The following CTTNBP2NL variants were observed in gnomAD, a reference collection of about 807,000 sequenced individuals.
CTTNBP2NL encodes the protein CTTNBP2 N-terminal-like protein.
A neutral mutation model predicts 32.5 loss-of-function variants in CTTNBP2NL; 16 were observed. That is an observed-to-expected ratio of 0.49 (90% CI 0.33 to 0.75). The LOEUF (loss-of-function observed/expected upper bound fraction) is 0.75, where lower values mean the gene tolerates loss of function less well. CTTNBP2NL is among the 30% of genes least tolerant of loss of function. CTTNBP2NL has a pLI of 0.02. For missense variants in CTTNBP2NL, 645 were observed against 756.0 expected (o/e 0.85, Z 1.72); for synonymous variants, 298 against 289.4 (o/e 1.03, Z -0.30).
rs369030525 is a variant in CTTNBP2NL at position 112,460,558 on chromosome 1, T to C, written c.*3146T>C. The C allele has an allele frequency of 6.6e-6, 1 of 152,236 alleles. No homozygotes were observed. The highest frequency in any genetic ancestry group is 1.9e-4 in the East Asian group (1 of 5,206). The allele number at this position is 152,236 out of a possible 1,614,324, so 9.4% of individuals were successfully genotyped here. A position where few individuals can be genotyped will look rare whatever the true frequency, so the allele number is the denominator to read the frequency against. ...AATATGCCTATATGCAAAATTTGTT[T>C]GATGGCTTCATAGGATCCAAAGACC... is the stretch of plus-strand genomic sequence containing the variant. On this transcript the variant is annotated 3_prime_UTR_variant, in exon 6 of 6. Coordinates refer to ENST00000271277, the MANE Select transcript of CTTNBP2NL (RefSeq NM_018704.3).
At chr1:112,402,375 G>A (rs1464404313) in intron 1 of CTTNBP2NL, among the ~76,000 whole-genome samples, 3 of 152,086 alleles carry the variant, frequency 2.0e-5, no homozygotes, top group African/African-American at 7.2e-5. Context: ...CCAAGATCGC[G>A]CCATTGCACT....
intron 1 of CTTNBP2NL, among the ~76,000 whole-genome samples, chr1:112,408,939 C>T (rs1315379644): frequency 6.6e-6 from 1 of 151,994 alleles, no homozygotes; most frequent in Non-Finnish European, 1.5e-5. Context: ...CCAGCCTGGC[C>T]AACATGGTGA....
chr1:112,456,937 C>G lies in CTTNBP2NL; in HGVS notation c.1445C>G (p.Pro482Arg). Reference protein sequence around the residue: ...QDQQASGLQSPPSRDLSPTLI... With the variant: ...QDQQASGLQSRPSRDLSPTLI... The stretch of plus-strand genomic sequence containing the variant: ...CAACAAGCCAGTGGCCTACAGAGCC[C>G]TCCATCCAGGGATTTATCCCCCACC... Residue 482 changes from proline (P) to arginine (R), a missense_variant, in exon 6 of 6, where the codon CCT (proline) becomes CGT (arginine). Coordinates refer to ENST00000271277, the MANE Select transcript of CTTNBP2NL (RefSeq NM_018704.3). The G allele has an allele frequency of 6.2e-7, 1 of 1,614,078 alleles. No homozygotes were observed. Among genetic ancestry groups the G allele is most frequent in the Non-Finnish European group, 8.5e-7 (1 of 1,180,028 alleles).
At chr1:112,408,205 TTTC>T in intron 1 of CTTNBP2NL, among the ~76,000 whole-genome samples, 1 of 139,678 alleles carries the variant, frequency 7.2e-6, no homozygotes, top group African/African-American at 3.3e-5. Context: ...AATTACTTTC[TTTC>T]TTTTTTTTTT....
intron 1 of CTTNBP2NL, among the ~76,000 whole-genome samples, chr1:112,408,484 A>G (rs1361945413): frequency 2.0e-5 from 3 of 152,116 alleles, no homozygotes; most frequent in Non-Finnish European, 4.4e-5. Context: ...GAAAAATTAG[A>G]ATCTTAAATC....
intron 3 of CTTNBP2NL, among the ~76,000 whole-genome samples, chr1:112,421,084 G>C (rs1026527985): frequency 3.9e-5 from 6 of 152,080 alleles, no homozygotes; most frequent in African/African-American, 1.2e-4. Flanking sequence ...ATTATTATTA[G>C]AACAGAGGTT....
intron 3 of CTTNBP2NL, among the ~76,000 whole-genome samples, chr1:112,429,175 T>G (rs1483468237): frequency 6.6e-6 from 1 of 152,248 alleles, no homozygotes; most frequent in African/African-American, 2.4e-5. Flanking sequence ...TCATCTCTTG[T>G]AATTTAACAT....
At chr1:112,443,182 G>A (rs1367638199) in intron 3 of CTTNBP2NL, among the ~76,000 whole-genome samples, 1 of 152,152 alleles carries the variant, frequency 6.6e-6, no homozygotes, top group Non-Finnish European at 1.5e-5. Flanking sequence ...GTTGACTCCA[G>A]AGGGAATATT....
rs1287708881 is a variant in CTTNBP2NL, at chr1:112,459,792, T to C, written c.*2380T>C. On this transcript the variant is annotated 3_prime_UTR_variant, in exon 6 of 6. Transcript: ENST00000271277. ...TAATCTTAAAAGTTGCATTGTGCTC[T>C]TCCTTTGTTTTGGGATAGATATATA... is the stretch of plus-strand genomic sequence containing the variant. 6.6e-6 allele frequency: 1 copy of C among 152,242 alleles called. No homozygotes were observed. The highest frequency in any genetic ancestry group is 6.5e-5 in the Admixed American group (1 of 15,284). The allele number at this position is 152,242 out of a possible 1,614,324, so 9.4% of individuals were successfully genotyped here.
intron 1 of CTTNBP2NL, among the ~76,000 whole-genome samples, chr1:112,402,575 G>A (rs186837165): frequency 9.4e-4 from 143 of 152,296 alleles, no homozygotes; most frequent in African/African-American, 3.2e-3. Context: ...CACAAACTGG[G>A]TTTTTTGTTG....
At chr1:112,400,712 A>T (rs558677295) in intron 1 of CTTNBP2NL, among the ~76,000 whole-genome samples, 126 of 152,232 alleles carry the variant, frequency 8.3e-4, no homozygotes, top group African/African-American at 2.8e-3. Flanking sequence ...GAATGGCTTT[A>T]ACCCGGGAGA....
At chr1:112,440,551 A>G (rs1333226948) in intron 3 of CTTNBP2NL, among the ~76,000 whole-genome samples, 1 of 152,122 alleles carries the variant, frequency 6.6e-6, no homozygotes, top group Non-Finnish European at 1.5e-5. Flanking sequence ...AGTTCCTCAA[A>G]ATGCATCTTC....
At position 112,403,412 on chromosome 1, in the gene CTTNBP2NL, C is replaced by T. The variant is rs1009675980; in HGVS notation, c.-134+7140C>T. On this transcript the variant is annotated intron_variant, in intron 1 of 5. Coordinates refer to ENST00000271277, the MANE Select transcript of CTTNBP2NL (RefSeq NM_018704.3). ...ACCAGCATTTTTTCAGTATCTGAAC[C>T]AGACACTGCTAGTGCTAAGTGTGAT... Among the ~76,000 whole-genome samples, 11 of 141,768 alleles carry T rather than the reference C, an allele frequency of 7.8e-5. 1 individual carries two copies. Among genetic ancestry groups the T allele is most frequent in the African/African-American group, 2.5e-4 (9 of 36,266 alleles). The allele number at this position is 141,768 out of a possible 152,430, so 93.0% of individuals were successfully genotyped here.
At chr1:112,451,446 A>G (rs1246818758) in intron 4 of CTTNBP2NL, among the ~76,000 whole-genome samples, 2 of 150,402 alleles carry the variant, frequency 1.3e-5, no homozygotes, top group Non-Finnish European at 3.0e-5. Flanking sequence ...GTGTGCAGGA[A>G]TCAGGGTGAA....
chr1:112,426,885 G>GTTGAGCCA (rs1649423454), intron 3 of CTTNBP2NL, among the ~76,000 whole-genome samples: 1 of 151,924 alleles, frequency 6.6e-6, no homozygotes, highest in Non-Finnish European at 1.5e-5. Flanking sequence ...GGATTACAGG[G>GTTGAGCCA]TTGAGCCACC....
chr1:112,413,417 A>T (rs1648945713), intron 2 of CTTNBP2NL, among the ~76,000 whole-genome samples: 1 of 152,218 alleles, frequency 6.6e-6, no homozygotes, highest in Non-Finnish European at 1.5e-5. Context: ...TAATGAAACC[A>T]GGTATCAGCA....
chr1:112,403,144 T>C (rs1165006889), intron 1 of CTTNBP2NL, among the ~76,000 whole-genome samples: 1 of 152,246 alleles, frequency 6.6e-6, no homozygotes, highest in Non-Finnish European at 1.5e-5. Context: ...TTCTTATTGC[T>C]ACCATCCTAG....
At chr1:112,420,519 T>A (rs918276572) in intron 3 of CTTNBP2NL, among the ~76,000 whole-genome samples, 1 of 151,638 alleles carries the variant, frequency 6.6e-6, no homozygotes, top group Non-Finnish European at 1.5e-5. Flanking sequence ...TAGGCTAGAG[T>A]GCAGTGGCTG....
intron 2 of CTTNBP2NL, among the ~76,000 whole-genome samples, chr1:112,415,473 G>A (rs1258469564): frequency 6.6e-6 from 1 of 151,762 alleles, no homozygotes; most frequent in African/African-American, 2.4e-5. Context: ...ATCTTTTGAT[G>A]GTCTATCAAT....
Sources: allele counts gnomAD v4.1 joint callset (sites outside exome capture counted in the v4.1 genomes callset), GRCh38; gene constraint gnomAD v4.1.1; transcripts MANE v1.5; gene names NCBI Gene and HGNC (gene_info 2026-07-23, HGNC 2026-07-21).